TAPBP: variants seen among roughly 807,000 people sequenced by gnomAD.
TAPBP encodes the protein tapasin.
A neutral mutation model predicts 45.7 loss-of-function variants in TAPBP; 38 were observed. The observed-to-expected ratio is 0.83, with a 90% CI of 0.64 to 1.09. The LOEUF is 1.09. TAPBP is among the 50% of genes least tolerant of loss of function. The pLI is 0.00. For missense variants in TAPBP, 513 were observed against 587.3 expected (o/e 0.87, Z 1.31); for synonymous variants, 226 against 254.8 (o/e 0.89, Z 1.08).
intron 3 of TAPBP, among the ~76,000 whole-genome samples, chr6:33,311,103 G>A (rs1022436800): frequency 6.6e-6 from 1 of 151,928 alleles, no homozygotes; most frequent in Non-Finnish European, 1.5e-5. Flanking sequence ...GATCACCTTA[G>A]GTCAGGAGTT....
rs145952108 is a variant in TAPBP, at chr6:33,305,301, G to C, written c.556C>G (p.Pro186Ala). 3.2e-6 allele frequency: 5 copies of C among 1,572,160 alleles called. No individual in the cohort carries two copies. Among genetic ancestry groups the C allele is most frequent in the Non-Finnish European group, 4.3e-6 (5 of 1,159,474 alleles). The change falls in exon 4 of 8, where the codon CCC becomes GCC. Residue 186 changes from proline to alanine, a missense_variant. Transcript: ENST00000434618. This position sits in a 1 kb window ranked among gnomAD's most constrained non-coding sequence, Gnocchi z 4.4. ...GATGAGGCGGCCTCGGAGGTGGGGGGCATGTAGGCAAAGCTCAAGTCCAGC... is the reference window on the plus strand; with the variant it reads ...GATGAGGCGGCCTCGGAGGTGGGGGCCATGTAGGCAAAGCTCAAGTCCAGC... ...ALLDLSFAYMPPTSEAASSLA... is the reference protein window; with the variant it reads ...ALLDLSFAYMAPTSEAASSLA...
In TAPBP at chr6:33,304,123, CT is replaced by C; in HGVS notation, c.1300+4del. 2.5e-6 allele frequency: 4 copies of C among 1,612,756 alleles called. No individual in the cohort carries two copies. In the East Asian group the frequency reaches 6.7e-5, roughly 27 times the overall value. On this transcript the variant is annotated splice_donor_region_variant and intron_variant, in intron 6 of 7. Transcript: ENST00000434618. Reference sequence around the variant, plus strand: ...GGTCATGGTCAGGGTAGGGCTGACACTTACCAGCCCAGCCCAGTGCCTTGAA... The same window carrying C: ...GGTCATGGTCAGGGTAGGGCTGACACTACCAGCCCAGCCCAGTGCCTTGAA...
At chr6:33,308,796 A>G (rs1297902349) in intron 3 of TAPBP, among the ~76,000 whole-genome samples, 1 of 152,036 alleles carries the variant, frequency 6.6e-6, no homozygotes, top group Non-Finnish European at 1.5e-5. Context: ...ATGGCCCAAG[A>G]CAATTCTTCT....
rs559755559 is a variant in TAPBP at position 33,307,300 on chromosome 6, A to G, written c.470-1913T>C. 2.0e-5 allele frequency among the ~76,000 whole-genome samples: 3 copies of G among 152,246 alleles called. No homozygotes were observed. The South Asian group carries it at 6.2e-4, about 32-fold the overall frequency. ...GAGACTCCGTCTCAAAACTAAATAA[A>G]TAAATAAAATAAAAATCCCAAATAC... On this transcript the variant is annotated intron_variant, in intron 3 of 7. Coordinates refer to ENST00000434618, the MANE Select transcript of TAPBP (RefSeq NM_003190.5).
At position 33,305,262 on chromosome 6, in the gene TAPBP, G is replaced by T. The variant is rs935569595; in HGVS notation, c.595C>A (p.Pro199Thr). The T allele has an allele frequency of 1.9e-6, 3 of 1,603,596 alleles. No individual in the cohort carries two copies. Among genetic ancestry groups the T allele is most frequent in the African/African-American group, 1.3e-5 (1 of 74,668 alleles). The change falls in exon 4 of 8, where the codon CCC (proline) becomes ACC (threonine). Residue 199 changes from proline (P) to threonine (T), a missense_variant. Transcript: ENST00000434618. This position sits in a 1 kb window ranked among gnomAD's most constrained non-coding sequence, Gnocchi z 4.4. ...SEAASSLAPG[P>T]PPFGLEWRRQ... ...CGCCACTCTAGCCCAAAGGGAGGGG[G>T]ACCCGGAGCCAGAGATGAGGCGGCC...
In TAPBP at chr6:33,314,074, T is replaced by C. The variant is rs1170609483; in HGVS notation, c.-33A>G. 8 of 1,610,614 alleles carry C rather than the reference T, an allele frequency of 5.0e-6. No homozygotes were observed. The highest frequency in any genetic ancestry group is 6.8e-6 in the Non-Finnish European group (8 of 1,177,754). ...CGACCTCCTCAGCCATGAAGCCTCCTCTTCCTCCTTTCACTTTCACTTTCC... is the reference window on the plus strand; with the variant it reads ...CGACCTCCTCAGCCATGAAGCCTCCCCTTCCTCCTTTCACTTTCACTTTCC... On this transcript the variant is annotated 5_prime_UTR_variant, in exon 1 of 8. Coordinates refer to ENST00000434618, the MANE Select transcript of TAPBP (RefSeq NM_003190.5).
In TAPBP at chr6:33,313,914, GCCC is replaced by G; in HGVS notation, c.38-53_38-51del. 6.2e-7 allele frequency: 1 copy of G among 1,612,516 alleles called. No homozygotes were observed. Among genetic ancestry groups the G allele is most frequent in the East Asian group, 2.2e-5 (1 of 44,848 alleles). On this transcript the variant is annotated intron_variant, in intron 1 of 7. Coordinates refer to ENST00000434618, the MANE Select transcript of TAPBP (RefSeq NM_003190.5). The surrounding 1 kb of genome is among the most constrained non-coding windows in gnomAD (Gnocchi z 7.2). Reference sequence around the variant, plus strand: ...GAGCGGTTTGTATGTCTGGTGACCTGCCCCACTCCCACCCTGGCATCGGCTCCA... The same window carrying G: ...GAGCGGTTTGTATGTCTGGTGACCTGCACTCCCACCCTGGCATCGGCTCCA...
intron 3 of TAPBP, among the ~76,000 whole-genome samples, chr6:33,307,630 G>A (rs1251379676): frequency 3.9e-5 from 6 of 151,958 alleles, no homozygotes; most frequent in Non-Finnish European, 7.4e-5. Flanking sequence ...TTGAACTCCC[G>A]ACCTCAGGTG....
At chr6:33,304,081 A>T in intron 6 of TAPBP, 47 bp downstream of exon 6, 1 of 1,610,218 alleles carries the variant, frequency 6.2e-7, no homozygotes, top group African/African-American at 1.3e-5. Context: ...GTAGGTGGGG[A>T]AAGTCCACCA....
chr6:33,308,264 G>C (rs2150966360), intron 3 of TAPBP: 1 of 152,182 alleles, frequency 6.6e-6, no homozygotes, highest in Admixed American at 6.6e-5. Flanking sequence ...CTTGAACCCA[G>C]GAGGCAGAGG....
At chr6:33,304,724 C>A (rs1035464181) in intron 4 of TAPBP, 86 bp from the exon 5 acceptor site, 6 of 1,436,134 alleles carry the variant, frequency 4.2e-6, no homozygotes, top group Non-Finnish European at 5.6e-6. Context: ...CTGGCTTCCT[C>A]AGAACTAAAG....
intron 3 of TAPBP, among the ~76,000 whole-genome samples, chr6:33,308,716 C>T (rs963457480): frequency 1.3e-5 from 2 of 151,782 alleles, no homozygotes; most frequent in African/African-American, 2.4e-5. Context: ...TTTCTTAAAA[C>T]ATTATGAGAT....
At position 33,313,908 on chromosome 6, in the gene TAPBP, T is replaced by C; in HGVS notation, c.38-44A>G. On this transcript the variant is annotated intron_variant, in intron 1 of 7. Transcript: ENST00000434618. The surrounding 1 kb of genome is among the most constrained non-coding windows in gnomAD (Gnocchi z 7.2). ...AGTGAGGAGCGGTTTGTATGTCTGG[T>C]GACCTGCCCCACTCCCACCCTGGCA... 2 of 1,612,598 alleles carry C rather than the reference T, an allele frequency of 1.2e-6. No homozygotes were observed. The highest frequency in any genetic ancestry group is 1.7e-6 in the Non-Finnish European group (2 of 1,179,212).
At position 33,313,482 on chromosome 6, in the gene TAPBP, G is replaced by A. The variant is rs1769524034; in HGVS notation, c.209-5C>T. On this transcript the variant is annotated splice_region_variant and splice_polypyrimidine_tract_variant and intron_variant, in intron 2 of 7. Transcript: ENST00000434618. This position sits in a 1 kb window ranked among gnomAD's most constrained non-coding sequence, Gnocchi z 7.2. ...CCTGGAGGGCGCCCGCGGGGTCTGA[G>A]TGTAGAGAAGGAAGTTGCAGCTGTA... The A allele has an allele frequency of 1.3e-6, 2 of 1,555,920 alleles. No homozygotes were observed. The highest frequency in any genetic ancestry group is 1.2e-5 in the South Asian group (1 of 84,866).
Position 33,301,587 on chromosome 6 carries a change from AAAG to A in TAPBP, c.*170_*172del. On this transcript the variant is annotated 3_prime_UTR_variant, in exon 8 of 8. Transcript: ENST00000434618. The stretch of plus-strand genomic sequence containing the variant: ...AGACTCCGTCTCAAAAAAAAAAAAA[AAAG>A]AAAAATTATCCCTTATATAAGTGAA... The A allele has an allele frequency of 1.6e-6, 1 of 637,878 alleles. No individual in the cohort carries two copies. Among genetic ancestry groups the A allele is most frequent in the Non-Finnish European group, 2.7e-6 (1 of 363,786 alleles). The allele number at this position is 637,878 out of a possible 1,614,324, so 39.5% of individuals were successfully genotyped here. A position where few individuals can be genotyped will look rare whatever the true frequency, so the allele number is the denominator to read the frequency against.
chr6:33,302,499 G>A (rs924186118), intron 7 of TAPBP, among the ~76,000 whole-genome samples: 1 of 151,728 alleles, frequency 6.6e-6, no homozygotes, highest in African/African-American at 2.4e-5. Flanking sequence ...TAATTTTTCT[G>A]TATTTTTAGT....
intron 7 of TAPBP, 170 bp downstream of exon 7, chr6:33,303,785 T>C (rs760404606): frequency 1.9e-6 from 3 of 1,556,298 alleles, no homozygotes; most frequent in Non-Finnish European, 2.6e-6. Context: ...TTAAGTAGCA[T>C]GCTCAAAGAG....
chr6:33,311,427 G>C (rs6930930), intron 3 of TAPBP, among the ~76,000 whole-genome samples: 1 of 151,874 alleles, frequency 6.6e-6, no homozygotes, highest in Non-Finnish European at 1.5e-5. Flanking sequence ...TTGGGAGTTC[G>C]AGACCAGCCT....
intron 7 of TAPBP, chr6:33,303,749 TC>T (rs1437501788): frequency 6.5e-7 from 1 of 1,549,888 alleles, no homozygotes; most frequent in African/African-American, 1.4e-5. Context: ...CTTTTTAAAA[TC>T]CCTACACCCA....
Sources: gnomAD v4.1 joint callset for allele counts (sites outside exome capture counted in the v4.1 genomes callset) on GRCh38, gnomAD v4.1.1 for gene constraint, Gnocchi (gnomAD v3.1) non-coding constraint, MANE v1.5 for transcripts, NCBI Gene and HGNC (gene_info 2026-07-23, HGNC 2026-07-21) for gene names.